The following FAM53C variants were observed in gnomAD, a reference collection of about 807,000 sequenced individuals.
FAM53C encodes protein FAM53C.
FAM53C carries 10 observed loss-of-function variants against 34.7 expected under a neutral mutation model. The observed-to-expected ratio is 0.29, with a 90% CI of 0.18 to 0.49. The LOEUF (loss-of-function observed/expected upper bound fraction) is 0.49. Ranked by LOEUF, FAM53C falls within the 20% of genes least tolerant of loss-of-function variation. The probability of loss-of-function intolerance (pLI) is 0.99; values close to 1 mark genes in which losing one functional copy is unlikely to be tolerated. For missense variants in FAM53C, 442 were observed against 515.3 expected (o/e 0.86, Z 1.38); for synonymous variants, 203 against 203.6 (o/e 1.00, Z 0.03).
In FAM53C at chr5:138,345,239, C is replaced by T. The variant is rs1276159670; in HGVS notation, c.551C>T (p.Pro184Leu). Residue 184 changes from proline to leucine, a missense_variant, in exon 4 of 5, where the codon CCA (proline) becomes CTA (leucine). Coordinates refer to ENST00000239906, the MANE Select transcript of FAM53C (RefSeq NM_016605.3). The surrounding 1 kb of genome is among the most constrained non-coding windows in gnomAD (Gnocchi z 6.3). ...QAPSASSQCAPAHRPYSPPFF... is the reference protein window; with the variant it reads ...QAPSASSQCALAHRPYSPPFF... ...CCCAGTGCCTCTTCTCAATGTGCCC[C>T]AGCTCACAGACCCTACAGCCCTCCT... 6.2e-7 allele frequency: 1 copy of T among 1,614,246 alleles called. No homozygotes were observed. The highest frequency in any genetic ancestry group is 8.5e-7 in the Non-Finnish European group (1 of 1,180,038).
At chr5:138,341,032 C>G in intron 1 of FAM53C, 152 bp from the exon 2 acceptor site, 1 of 432,874 alleles carries the variant, frequency 2.3e-6, no homozygotes, top group South Asian at 2.0e-5. Flanking sequence ...ATTTCTGAAG[C>G]TGTGTTTAGG....
At chr5:138,338,571 C>G (rs941371103) in intron 1 of FAM53C, among the ~76,000 whole-genome samples, 1 of 147,632 alleles carries the variant, frequency 6.8e-6, no homozygotes, top group Non-Finnish European at 1.5e-5. Flanking sequence ...GACAGCCCCC[C>G]TGAGCGAGCC....
chr5:138,342,158 G>A (rs1488640883), intron 3 of FAM53C: 1 of 385,794 alleles, frequency 2.6e-6, no homozygotes, highest in African/African-American at 2.0e-5. Flanking sequence ...GCTGAGAAAA[G>A]TCTCTCTTAC....
rs560114436 is a variant in FAM53C, at chr5:138,347,333, G to T, written c.*374G>T. 12 of 295,002 alleles carry T rather than the reference G, an allele frequency of 4.1e-5. No individual in the cohort carries two copies. Among genetic ancestry groups the T allele is most frequent in the African/African-American group, 1.1e-4 (5 of 44,752 alleles). The allele number at this position is 295,002 out of a possible 1,614,324, so 18.3% of individuals were successfully genotyped here. ...TTGTGTCTTAGAATTTGGCCAGGGT[G>T]GGGGGTTGAGTCAGCCTCCTCAGAG... On this transcript the variant is annotated 3_prime_UTR_variant, in exon 5 of 5. Transcript: ENST00000239906.
At chr5:138,338,590 C>T (rs1418365690) in intron 1 of FAM53C, among the ~76,000 whole-genome samples, 43 of 12,158 alleles carry the variant, frequency 3.5e-3, no homozygotes, top group Middle Eastern at 0.062. Context: ...CCCTGGCGCA[C>T]CCCCCCCCCC....
intron 2 of FAM53C, 177 bp downstream of exon 2, chr5:138,341,590 A>T (rs1761035712): frequency 1.3e-6 from 1 of 751,980 alleles, no homozygotes; most frequent in African/African-American, 1.7e-5. Flanking sequence ...TTTTCCACCG[A>T]TAGAGAAGGG....
chr5:138,348,900 GCT>G lies in FAM53C; in HGVS notation c.*1946_*1947del, dbSNP rs1438364078. The G allele has an allele frequency of 6.6e-6, 1 of 152,288 alleles. No homozygotes were observed. The highest frequency in any genetic ancestry group is 1.5e-5 in the Non-Finnish European group (1 of 68,126). The allele number at this position is 152,288 out of a possible 1,614,324, so 9.4% of individuals were successfully genotyped here. A position where few individuals can be genotyped will look rare whatever the true frequency, so the allele number is the denominator to read the frequency against. On this transcript the variant is annotated 3_prime_UTR_variant, in exon 5 of 5. Coordinates refer to ENST00000239906, the MANE Select transcript of FAM53C (RefSeq NM_016605.3). ...CCTCCTGGGGCATCCTCATCCCAGG[GCT>G]CTCTGCTGTAGATTGGCTGTGCCAG...
chr5:138,348,711 CCT>C lies in FAM53C; in HGVS notation c.*1753_*1754del, dbSNP rs1447667024. On this transcript the variant is annotated 3_prime_UTR_variant, in exon 5 of 5. Transcript: ENST00000239906. ...GGCCCTCAGAGGCTCCTCCCTATCTCCTGGCTAGTTACCACTAGGCTACCAGG... is the reference window on the plus strand; with the variant it reads ...GGCCCTCAGAGGCTCCTCCCTATCTCGGCTAGTTACCACTAGGCTACCAGG... The C allele has an allele frequency of 6.6e-6, 1 of 152,222 alleles. No homozygotes were observed. The highest frequency in any genetic ancestry group is 2.4e-5 in the African/African-American group (1 of 41,450). 9.4% of individuals were successfully genotyped at this position (152,222 alleles called of 1,614,324 possible).
chr5:138,338,375 C>G (rs1053670728), intron 1 of FAM53C, 68 bp downstream of exon 1: 6 of 388,522 alleles, frequency 1.5e-5, no homozygotes, highest in Admixed American at 7.2e-5. Context: ...TCCCTCCTTC[C>G]CTCTTTCCCC....
At chr5:138,338,662 G>A (rs1287598295) in intron 1 of FAM53C, among the ~76,000 whole-genome samples, 2 of 151,090 alleles carry the variant, frequency 1.3e-5, no homozygotes, top group Non-Finnish European at 3.0e-5. Flanking sequence ...GCAACAGAGG[G>A]AGAGGTTGAA....
Position 138,346,911 on chromosome 5 carries a change from C to T in FAM53C, c.1131C>T (p.Cys377=). 6.2e-7 allele frequency: 1 copy of T among 1,614,142 alleles called. No individual in the cohort carries two copies. The highest frequency in any genetic ancestry group is 8.5e-7 in the Non-Finnish European group (1 of 1,180,042). The change falls in exon 5 of 5, where the codon TGC becomes TGT. Residue 377 remains cysteine, a synonymous_variant. Transcript: ENST00000239906. ...AGGCGCTGAGCAAGCGGACACTGTG[C>T]CAGCGGGACTTTGGGGACCTGGACT... The part of the protein sequence containing the change: ...GRQALSKRTL[C]QRDFGDLDLN...
Position 138,345,654 on chromosome 5 carries a change from C to T in FAM53C, c.921+45C>T. On this transcript the variant is annotated intron_variant, in intron 4 of 4. Transcript: ENST00000239906. This position sits in a 1 kb window ranked among gnomAD's most constrained non-coding sequence, Gnocchi z 6.3. ...GGGAGCTTAGATGGGAGTGTGGGGA[C>T]TGTTCTGTTTCCACTTTTGAGCTAG... 6.4e-7 allele frequency: 1 copy of T among 1,569,456 alleles called. No homozygotes were observed. Among genetic ancestry groups the T allele is most frequent in the South Asian group, 1.2e-5 (1 of 84,084 alleles).
chr5:138,341,381 G>C lies in FAM53C; in HGVS notation c.46G>C (p.Glu16Gln), dbSNP rs1475421187. The C allele has an allele frequency of 1.9e-6, 3 of 1,614,140 alleles. No homozygotes were observed. In the East Asian group the frequency reaches 6.7e-5, roughly 36 times the overall value. The change falls in exon 2 of 5, where the codon GAG (glutamate) becomes CAG (glutamine). Residue 16 changes from glutamate to glutamine, a missense_variant. By Grantham distance (29) the Glu-to-Gln change is conservative. Coordinates refer to ENST00000239906, the MANE Select transcript of FAM53C (RefSeq NM_016605.3). ...GCAGCTACAGAAGCAGACTCTGGAT[G>C]AGCTGAAATGCACACGCTTCAGCAT... ...TEQLQKQTLD[E>Q]LKCTRFSISL...
rs1761240937 is a variant in FAM53C at position 138,348,565 on chromosome 5, T to C, written c.*1606T>C. The C allele has an allele frequency of 6.6e-6, 1 of 152,262 alleles. No homozygotes were observed. Among genetic ancestry groups the C allele is most frequent in the Non-Finnish European group, 1.5e-5 (1 of 68,050 alleles). The allele number at this position is 152,262 out of a possible 1,614,324, so 9.4% of individuals were successfully genotyped here. On this transcript the variant is annotated 3_prime_UTR_variant, in exon 5 of 5. Transcript: ENST00000239906. ...GAGGAAGACCAAGGTCTTTGTGTTT[T>C]CTTCCTCATGGAATTGAACCTGACA... is the stretch of plus-strand genomic sequence containing the variant.
intron 3 of FAM53C, chr5:138,343,669 A>G (rs1252131756): frequency 6.6e-6 from 1 of 152,232 alleles, no homozygotes; most frequent in African/African-American, 2.4e-5. Context: ...TGGAGGCATC[A>G]CTGGTGGACA....
At chr5:138,340,318 A>T (rs533025533) in intron 1 of FAM53C, among the ~76,000 whole-genome samples, 2 of 152,340 alleles carry the variant, frequency 1.3e-5, no homozygotes, top group South Asian at 4.1e-4. Flanking sequence ...TGCTACACAC[A>T]TTCTCTGGTA....
At chr5:138,340,563 AGTT>A (rs975075623) in intron 1 of FAM53C, among the ~76,000 whole-genome samples, 3 of 152,216 alleles carry the variant, frequency 2.0e-5, no homozygotes, top group South Asian at 2.1e-4. Flanking sequence ...ACAGTCATGG[AGTT>A]GTTGTTTACG....
intron 1 of FAM53C, among the ~76,000 whole-genome samples, chr5:138,339,914 T>A (rs1329096367): frequency 1.3e-5 from 2 of 152,196 alleles, no homozygotes; most frequent in African/African-American, 2.4e-5. Context: ...TCCTCTTTTT[T>A]GTAGAGTGAT....
intron 3 of FAM53C, among the ~76,000 whole-genome samples, chr5:138,343,936 G>A (rs1159755555): frequency 6.6e-6 from 1 of 152,176 alleles, no homozygotes; most frequent in Non-Finnish European, 1.5e-5. Flanking sequence ...CATCAAGTCT[G>A]ACTTCGTATA....
Sources: gnomAD v4.1 joint callset for allele counts (sites outside exome capture counted in the v4.1 genomes callset) on GRCh38, gnomAD v4.1.1 for gene constraint, Gnocchi (gnomAD v3.1) non-coding constraint, MANE v1.5 for transcripts, NCBI Gene and HGNC (gene_info 2026-07-23, HGNC 2026-07-21) for gene names.